ZNF248: variants seen among roughly 807,000 people sequenced by gnomAD.
The protein encoded by ZNF248 is KRAB protein domain.
In ZNF248, 20 loss-of-function variants were observed where a neutral mutation model predicts 44.3. That is an observed-to-expected ratio of 0.45 (90% confidence interval 0.32 to 0.66). The LOEUF is 0.66. Ranked by LOEUF, ZNF248 falls within the 30% of genes least tolerant of loss-of-function variation. ZNF248 has a pLI of 0.04. For synonymous variants in ZNF248, 224 were observed against 229.0 expected, an observed-to-expected ratio of 0.98 and a Z score of 0.20; for missense variants, 654 against 677.0, an observed-to-expected ratio of 0.97 and a Z score of 0.38.
At chr10:37,768,068 A>T in the ZNF248 span, among the ~76,000 whole-genome samples, 217 of 152,354 alleles carry the variant, frequency 1.4e-3, 2 homozygotes, top group Middle Eastern at 6.8e-3. Context: ...TTCAACAAGA[A>T]GAACTAACTA....
chr10:37,769,694 TC>T, the ZNF248 span, among the ~76,000 whole-genome samples: 1 of 152,098 alleles, frequency 6.6e-6, no homozygotes, highest in Non-Finnish European at 1.5e-5. Flanking sequence ...CTGGAAGCAT[TC>T]CCTTTGAAAA....
intron 3 of ZNF248, among the ~76,000 whole-genome samples, chr10:37,851,957 GAT>G (rs2060331188): frequency 6.6e-6 from 1 of 151,948 alleles, no homozygotes; most frequent in Non-Finnish European, 1.5e-5. Context: ...ATTAAACTGT[GAT>G]ATATCCAGCC....
chr10:37,819,791 G>T, intron 6 of ZNF248: 1 of 782,470 alleles, frequency 1.3e-6, no homozygotes, highest in Non-Finnish European at 2.4e-6. Context: ...ACTGGTTGCA[G>T]GAGGGTCCTG....
the ZNF248 span, among the ~76,000 whole-genome samples, chr10:37,764,040 G>A: frequency 6.0e-4 from 92 of 152,320 alleles, no homozygotes; most frequent in Non-Finnish European, 1.1e-3. Flanking sequence ...GTGATGTTCA[G>A]GGAACAAGGG....
At chr10:37,773,041 G>A (rs2046327366), downstream of ZNF248, among the ~76,000 whole-genome samples, 1 of 152,152 alleles carries the variant, frequency 6.6e-6, no homozygotes. Flanking sequence ...GAGGTCAGGA[G>A]TTTGAGACCA....
At chr10:37,824,775 C>A (rs1380038795), downstream of ZNF248, among the ~76,000 whole-genome samples, 3 of 143,928 alleles carry the variant, frequency 2.1e-5, no homozygotes, top group African/African-American at 7.6e-5. Flanking sequence ...TCCACCTCTC[C>A]GGTTCACACC....
At chr10:37,770,019 C>T in the ZNF248 span, among the ~76,000 whole-genome samples, 1 of 152,188 alleles carries the variant, frequency 6.6e-6, no homozygotes, top group East Asian at 1.9e-4. Flanking sequence ...AACTCCCTTT[C>T]ACCATTGCTT....
At chr10:37,782,906 C>T (rs1450749656) in intron 6 of ZNF248, among the ~76,000 whole-genome samples, 1 of 152,156 alleles carries the variant, frequency 6.6e-6, no homozygotes, top group African/African-American at 2.4e-5. Flanking sequence ...GTTTAAGCCA[C>T]CCAGTTTTAG....
At chr10:37,856,090 A>G (rs914017866) in intron 3 of ZNF248, among the ~76,000 whole-genome samples, 2 of 152,270 alleles carry the variant, frequency 1.3e-5, no homozygotes, top group African/African-American at 4.8e-5. Context: ...TAGAGATAAT[A>G]TTACAATAAC....
At chr10:37,841,276 C>T (rs190222523) in intron 3 of ZNF248, among the ~76,000 whole-genome samples, 1 of 152,062 alleles carries the variant, frequency 6.6e-6, no homozygotes, top group Admixed American at 6.6e-5. Flanking sequence ...TCAGTAATAG[C>T]CTGCTCTTGT....
intron 6 of ZNF248, among the ~76,000 whole-genome samples, chr10:37,793,368 C>T (rs1035859796): frequency 6.6e-6 from 1 of 151,938 alleles, no homozygotes; most frequent in Non-Finnish European, 1.5e-5. Flanking sequence ...ACTTTTATTT[C>T]AATAAAGCAG....
chr10:37,851,969 C>T (rs778073092), intron 3 of ZNF248, among the ~76,000 whole-genome samples: 1 of 152,038 alleles, frequency 6.6e-6, no homozygotes, highest in African/African-American at 2.4e-5. Context: ...TATATCCAGC[C>T]GGGCGCGGTG....
chr10:37,853,480 C>G (rs1370091226), intron 3 of ZNF248, among the ~76,000 whole-genome samples: 1 of 152,128 alleles, frequency 6.6e-6, no homozygotes, highest in Non-Finnish European at 1.5e-5. Context: ...CAGGTTCACT[C>G]CATTCTCCTG....
intron 6 of ZNF248, among the ~76,000 whole-genome samples, chr10:37,799,416 G>A (rs1397693223): frequency 6.6e-6 from 1 of 152,084 alleles, no homozygotes; most frequent in East Asian, 1.9e-4. Context: ...AAAATTAGTT[G>A]AGCGTGATTG....
At chr10:37,849,600 T>A (rs1156867608) in intron 3 of ZNF248, among the ~76,000 whole-genome samples, 1 of 151,622 alleles carries the variant, frequency 6.6e-6, no homozygotes, top group Non-Finnish European at 1.5e-5. Flanking sequence ...GGCAGGAGAA[T>A]GGCGTGAACC....
chr10:37,782,615 G>C (rs2047437710), intron 6 of ZNF248, among the ~76,000 whole-genome samples: 2 of 152,262 alleles, frequency 1.3e-5, no homozygotes, highest in African/African-American at 2.4e-5. Context: ...AGTGGATTAA[G>C]TAGGCCCTTT....
At chr10:37,787,483 T>G (rs969721848) in intron 6 of ZNF248, among the ~76,000 whole-genome samples, 10 of 148,414 alleles carry the variant, frequency 6.7e-5, no homozygotes, top group African/African-American at 2.5e-4. Context: ...GTTTTGCTTT[T>G]GTATGTATGT....
chr10:37,765,282 T>A, the ZNF248 span, among the ~76,000 whole-genome samples: 2 of 152,184 alleles, frequency 1.3e-5, no homozygotes, highest in African/African-American at 4.8e-5. Flanking sequence ...TGATATAAAT[T>A]CCTTGAGCTG....
At chr10:37,819,966 T>C (rs2053189887) in intron 6 of ZNF248, 2 of 767,638 alleles carry the variant, frequency 2.6e-6, no homozygotes, top group East Asian at 4.9e-5. Context: ...AGCGGCCCCA[T>C]CTCAAGCGGT....
Sources: gnomAD v4.1 joint callset for allele counts (sites outside exome capture counted in the v4.1 genomes callset) on GRCh38, gnomAD v4.1.1 for gene constraint, MANE v1.5 for transcripts, NCBI Gene and HGNC (gene_info 2026-07-23, HGNC 2026-07-21) for gene names.